The following PHF24 variants were observed in gnomAD, a reference collection of about 807,000 sequenced individuals.
PHF24 encodes the protein PHD finger protein 24, also known as Galpha inhibitory interacting protein.
A neutral mutation model predicts 42.6 loss-of-function variants in PHF24; 25 were observed. That is an observed-to-expected ratio of 0.59 (90% CI 0.43 to 0.82). The LOEUF (loss-of-function observed/expected upper bound fraction) is 0.82, where lower values mean the gene tolerates loss of function less well. Among genes scored for constraint, PHF24 ranks in the 40% least tolerant of loss-of-function variants. The pLI is 0.00. For synonymous variants in PHF24, 185 were observed against 204.8 expected, an observed-to-expected ratio of 0.90 and a Z score of 0.83; for missense variants, 470 against 538.1, an observed-to-expected ratio of 0.87 and a Z score of 1.25.
At chr9:34,748,053 C>T in the PHF24 span, among the ~76,000 whole-genome samples, 1 of 151,928 alleles carries the variant, frequency 6.6e-6, no homozygotes, top group Non-Finnish European at 1.5e-5. Flanking sequence ...ATTTCATTTA[C>T]AGTTCAAAAA....
At chr9:34,903,317 T>G in the PHF24 span, among the ~76,000 whole-genome samples, 2 of 152,066 alleles carry the variant, frequency 1.3e-5, no homozygotes, top group African/African-American at 4.8e-5. Context: ...AATTTTAAGA[T>G]AGGAGCCCGG....
chr9:34,877,142 G>T, the PHF24 span, among the ~76,000 whole-genome samples: 1 of 151,898 alleles, frequency 6.6e-6, no homozygotes, highest in Non-Finnish European at 1.5e-5. Context: ...TTGGCTGGGT[G>T]TGGTGGCACA....
At chr9:34,892,594 G>T in the PHF24 span, 7 of 446,678 alleles carry the variant, frequency 1.6e-5, no homozygotes, top group South Asian at 2.2e-4. Flanking sequence ...ATAGGCTGTT[G>T]TTGTAGGTTT....
At chr9:34,910,507 G>A in the PHF24 span, among the ~76,000 whole-genome samples, 1 of 152,088 alleles carries the variant, frequency 6.6e-6, no homozygotes, top group African/African-American at 2.4e-5. Flanking sequence ...ATGTTAATTA[G>A]CTCAAATTAG....
chr9:34,865,591 T>TA, the PHF24 span, among the ~76,000 whole-genome samples: 66,316 of 151,284 alleles, frequency 0.44, 14,994 homozygotes, highest in East Asian at 0.66. Context: ...ATAAAAATAA[T>TA]AAAAAAAATA....
At chr9:34,694,159 C>CTTTTTTTTTTT in the PHF24 span, among the ~76,000 whole-genome samples, 9 of 66,178 alleles carry the variant, frequency 1.4e-4, no homozygotes, top group Admixed American at 6.4e-4. Context: ...TATCTCTATT[C>CTTTTTTTTTTT]TTTTTTTTTT....
At chr9:34,719,286 G>A in the PHF24 span, among the ~76,000 whole-genome samples, 1 of 152,172 alleles carries the variant, frequency 6.6e-6, no homozygotes, top group African/African-American at 2.4e-5. Flanking sequence ...TGATCCACCC[G>A]CCTCGGCCTT....
At chr9:34,813,753 C>T in the PHF24 span, among the ~76,000 whole-genome samples, 1 of 152,172 alleles carries the variant, frequency 6.6e-6, no homozygotes, top group Admixed American at 6.5e-5. Flanking sequence ...ATGGGAGTGA[C>T]TTCTGCTCAC....
At chr9:34,937,983 T>C in the PHF24 span, among the ~76,000 whole-genome samples, 1 of 152,248 alleles carries the variant, frequency 6.6e-6, no homozygotes, top group South Asian at 2.1e-4. Flanking sequence ...GAACAGTGTT[T>C]TCTTGAGGCC....
chr9:34,836,469 T>A, the PHF24 span, among the ~76,000 whole-genome samples: 2 of 152,222 alleles, frequency 1.3e-5, no homozygotes, highest in African/African-American at 4.8e-5. Context: ...TAGTTTTCAG[T>A]ACATCCAAAC....
the PHF24 span, among the ~76,000 whole-genome samples, chr9:34,843,159 T>C: frequency 2.6e-5 from 4 of 152,226 alleles, no homozygotes; most frequent in Non-Finnish European, 5.9e-5. Flanking sequence ...ATTAGTAAAC[T>C]GATTCCAAAA....
chr9:34,734,319 C>T, the PHF24 span, among the ~76,000 whole-genome samples: 1 of 152,220 alleles, frequency 6.6e-6, no homozygotes, highest in Non-Finnish European at 1.5e-5. Flanking sequence ...TACAGAAATG[C>T]TGGGACTTAC....
chr9:34,797,062 T>C, the PHF24 span, among the ~76,000 whole-genome samples: 3 of 152,072 alleles, frequency 2.0e-5, no homozygotes, highest in Non-Finnish European at 4.4e-5. Context: ...GTGAAACGAG[T>C]CTGCCTCAAA....
chr9:34,861,290 C>G, the PHF24 span, among the ~76,000 whole-genome samples: 1 of 152,126 alleles, frequency 6.6e-6, no homozygotes, highest in East Asian at 1.9e-4. Context: ...CCTCATTGAA[C>G]ACTATGGACA....
chr9:34,689,528 A>C, the PHF24 span: 1 of 352,056 alleles, frequency 2.8e-6, no homozygotes, highest in Non-Finnish European at 5.1e-6. The surrounding 1 kb of genome is among the most constrained non-coding windows in gnomAD (Gnocchi z 4.1). Context: ...AAGCAGTAGG[A>C]GTGGAGAAAG....
chr9:34,935,548 T>A, the PHF24 span, among the ~76,000 whole-genome samples: 1 of 146,802 alleles, frequency 6.8e-6, no homozygotes, highest in Admixed American at 6.9e-5. Flanking sequence ...GAACCAAGAC[T>A]GTGCCACTGC....
At chr9:34,767,650 C>T in the PHF24 span, among the ~76,000 whole-genome samples, 57 of 152,354 alleles carry the variant, frequency 3.7e-4, 1 homozygote, top group East Asian at 0.01. Context: ...TGACCCCTTG[C>T]GCTTCCGGAG....
the PHF24 span, among the ~76,000 whole-genome samples, chr9:34,913,915 A>G: frequency 1.3e-5 from 2 of 152,196 alleles, no homozygotes; most frequent in African/African-American, 4.8e-5. Flanking sequence ...GGAGTGTTAA[A>G]AGTTTGTGAG....
At chr9:34,891,249 G>A in the PHF24 span, among the ~76,000 whole-genome samples, 1 of 152,160 alleles carries the variant, frequency 6.6e-6, no homozygotes, top group Non-Finnish European at 1.5e-5. Flanking sequence ...TCACTTCCAG[G>A]TCCAGGTGTT....
Sources: allele counts gnomAD v4.1 joint callset (sites outside exome capture counted in the v4.1 genomes callset), GRCh38; gene constraint gnomAD v4.1.1; non-coding constraint Gnocchi (gnomAD v3.1); transcripts MANE v1.5; gene names NCBI Gene and HGNC (gene_info 2026-07-23, HGNC 2026-07-21).